GPC6: variants seen among roughly 807,000 people sequenced by gnomAD.
GPC6 encodes the protein glypican-6.
Under a neutral mutation model 55.2 loss-of-function variants are expected in GPC6, and 14 were observed. That is an observed-to-expected ratio of 0.25 (90% confidence interval 0.17 to 0.40). GPC6 has a LOEUF of 0.40. Ranked by LOEUF, GPC6 falls within the 10% of genes least tolerant of loss-of-function variation. The pLI, the probability that GPC6 is intolerant of heterozygous loss-of-function variation, is 1.00. For synonymous variants in GPC6, 278 were observed against 259.6 expected (o/e 1.07, Z -0.68); for missense variants, 641 against 708.5 (o/e 0.90, Z 1.08).
At chr13:93,498,650 C>T (rs2139368812) in intron 1 of GPC6, among the ~76,000 whole-genome samples, 1 of 152,252 alleles carries the variant, frequency 6.6e-6, no homozygotes, top group South Asian at 2.1e-4. Context: ...AGGTACTTTT[C>T]ATTTCCCGCC....
chr13:93,637,776 A>C (rs1879759216), intron 2 of GPC6, among the ~76,000 whole-genome samples: 1 of 152,108 alleles, frequency 6.6e-6, no homozygotes, highest in Admixed American at 6.6e-5. Flanking sequence ...GCCATATGAA[A>C]GTGAAATTTG....
intron 4 of GPC6, among the ~76,000 whole-genome samples, chr13:94,034,252 A>AAGGAAGGAAGGAAGGAGG (rs1594683128): frequency 1.8e-5 from 1 of 57,076 alleles, no homozygotes; most frequent in Non-Finnish European, 4.9e-5. Context: ...AAGGAAGGAA[A>AAGGAAGGAAGGAAGGAGG]GAAAGAAAGA....
intron 2 of GPC6, among the ~76,000 whole-genome samples, chr13:93,586,604 A>G (rs1200841037): frequency 2.0e-5 from 3 of 152,230 alleles, no homozygotes; most frequent in African/African-American, 7.2e-5. Context: ...ACCATATGCA[A>G]TAAGTAATTC....
At chr13:93,466,068 A>C (rs911228397) in intron 1 of GPC6, among the ~76,000 whole-genome samples, 1 of 152,214 alleles carries the variant, frequency 6.6e-6, no homozygotes, top group African/African-American at 2.4e-5. Flanking sequence ...ACAGATCACC[A>C]TAACAAATAC....
At chr13:93,368,382 T>A (rs142734444) in intron 1 of GPC6, among the ~76,000 whole-genome samples, 4 of 102,808 alleles carry the variant, frequency 3.9e-5, no homozygotes, top group African/African-American at 7.0e-5. Flanking sequence ...CCTTCCTTCC[T>A]TCCTTCCGTC....
chr13:93,802,090 T>A (rs1886391399), intron 2 of GPC6, among the ~76,000 whole-genome samples: 1 of 152,176 alleles, frequency 6.6e-6, no homozygotes, highest in Admixed American at 6.5e-5. Flanking sequence ...TATTTTTACT[T>A]TAATTTTTAC....
chr13:94,051,698 T>C (rs146055960), intron 4 of GPC6, among the ~76,000 whole-genome samples: 406 of 152,290 alleles, frequency 2.7e-3, no homozygotes, highest in Non-Finnish European at 5.1e-3. Context: ...ATTGTTTCTT[T>C]CATTAAAAAA....
intron 2 of GPC6, among the ~76,000 whole-genome samples, chr13:93,767,283 G>A (rs968259182): frequency 1.3e-5 from 2 of 152,070 alleles, no homozygotes; most frequent in Non-Finnish European, 2.9e-5. Flanking sequence ...AGCAACAAGT[G>A]CTCCACCAGA....
intron 4 of GPC6, among the ~76,000 whole-genome samples, chr13:94,047,498 A>G (rs1308881373): frequency 6.6e-6 from 1 of 152,070 alleles, no homozygotes; most frequent in Non-Finnish European, 1.5e-5. Context: ...ACAAAAAACA[A>G]GAAGTATGGA....
At chr13:93,291,798 A>G (rs1878326989) in intron 1 of GPC6, among the ~76,000 whole-genome samples, 1 of 152,280 alleles carries the variant, frequency 6.6e-6, no homozygotes, top group East Asian at 1.9e-4. Context: ...AACAACATTA[A>G]TAGAGTGTGT....
At chr13:94,344,128 C>A (rs1373300377) in intron 6 of GPC6, among the ~76,000 whole-genome samples, 1 of 151,940 alleles carries the variant, frequency 6.6e-6, no homozygotes, top group South Asian at 2.1e-4. Flanking sequence ...TTCTCACAAC[C>A]AATAATTTGT....
At chr13:93,867,592 G>A (rs747600340) in intron 3 of GPC6, among the ~76,000 whole-genome samples, 8 of 151,726 alleles carry the variant, frequency 5.3e-5, no homozygotes, top group Admixed American at 1.3e-4. Flanking sequence ...AACTCTTCTC[G>A]GAAACCCTTG....
chr13:94,154,657 G>C (rs1887863213), intron 4 of GPC6, among the ~76,000 whole-genome samples: 1 of 152,130 alleles, frequency 6.6e-6, no homozygotes, highest in South Asian at 2.1e-4. Context: ...GAGTCTCACA[G>C]ATCTTTTGCC....
At chr13:93,637,298 T>C (rs753301088) in intron 2 of GPC6, among the ~76,000 whole-genome samples, 5 of 152,174 alleles carry the variant, frequency 3.3e-5, no homozygotes, top group Non-Finnish European at 7.4e-5. Context: ...GCATATCTTA[T>C]AATTATTTGT....
chr13:94,257,642 C>T lies in GPC6; in HGVS notation c.878-28707C>T, dbSNP rs182737120. Among the ~76,000 whole-genome samples the T allele has an allele frequency of 1.2e-4, 18 of 152,330 alleles. 1 individual carries two copies. The highest frequency in any genetic ancestry group is 4.3e-4 in the African/African-American group (18 of 41,584). On this transcript the variant is annotated intron_variant, in intron 4 of 8. Transcript: ENST00000377047. ...GCCTCTAGATCTGCAAATTGAGGAA[C>T]ACACAGACCCTTGAACACGGTGACT...
chr13:94,236,903 C>G (rs1450933948), intron 4 of GPC6, among the ~76,000 whole-genome samples: 6 of 137,040 alleles, frequency 4.4e-5, no homozygotes, highest in Admixed American at 2.9e-4. Flanking sequence ...TTTTTTTTCT[C>G]CTGAAAATTT....
rs142376897 is a variant in GPC6 at position 94,132,748 on chromosome 13, G to A, written c.877+104854G>A. 6.9e-3 allele frequency among the ~76,000 whole-genome samples: 1,051 copies of A among 152,218 alleles called. 13 individuals carry two copies. The highest frequency in any genetic ancestry group is 0.024 in the African/African-American group (994 of 41,540). ...CCATTTTATCTCTCTCCTAGGTATT[G>A]ATTAGTTTCTCAGATTAGATCACGG... On this transcript the variant is annotated intron_variant, in intron 4 of 8. Transcript: ENST00000377047.
rs78363058 is a variant in GPC6, at chr13:93,925,539, T to C, written c.711+94994T>C. 3.7e-3 allele frequency among the ~76,000 whole-genome samples: 556 copies of C among 152,310 alleles called. 4 individuals are homozygous for C. The highest frequency in any genetic ancestry group is 6.5e-3 in the Non-Finnish European group (442 of 68,022). ...AGTCCAAGCAGAATAGATTCCACAT[T>C]GTGCCTTAAATTGTAGCATAAGTCC... On this transcript the variant is annotated intron_variant, in intron 3 of 8. Coordinates refer to ENST00000377047, the MANE Select transcript of GPC6 (RefSeq NM_005708.5).
intron 1 of GPC6, among the ~76,000 whole-genome samples, chr13:93,367,835 A>G (rs2139187049): frequency 6.6e-6 from 1 of 152,118 alleles, no homozygotes; most frequent in Non-Finnish European, 1.5e-5. Flanking sequence ...TTTGTTGAGG[A>G]TTGTTTTATG....
Sources: allele counts gnomAD v4.1 joint callset (sites outside exome capture counted in the v4.1 genomes callset), GRCh38; gene constraint gnomAD v4.1.1; transcripts MANE v1.5; gene names NCBI Gene and HGNC (gene_info 2026-07-23, HGNC 2026-07-21).